Variants in CLEC6A observed in about 807,000 individuals in gnomAD.
CLEC6A encodes C-type lectin domain family 6 member A.
A neutral mutation model predicts 25.7 loss-of-function variants in CLEC6A; 22 were observed. The ratio of observed to expected loss-of-function variants is 0.85; its 90% confidence interval spans 0.61 to 1.22. The LOEUF (loss-of-function observed/expected upper bound fraction) is 1.22, where lower values mean the gene tolerates loss of function less well. Ranked by LOEUF, CLEC6A falls within the 50% of genes most tolerant of loss-of-function variation. CLEC6A has a pLI of 0.00. For missense variants in CLEC6A, 240 were observed against 236.8 expected (o/e 1.01, Z -0.09); for synonymous variants, 92 against 76.7 (o/e 1.20, Z -1.04).
At chr12:8,468,934 C>G (rs779815015) in intron 4 of CLEC6A, among the ~76,000 whole-genome samples, 1 of 152,114 alleles carries the variant, frequency 6.6e-6, no homozygotes, top group East Asian at 1.9e-4. Context: ...GAAGTCCTAG[C>G]CAGAGCAATC....
chr12:8,458,456 C>A (rs1939708879), intron 2 of CLEC6A, among the ~76,000 whole-genome samples: 1 of 152,166 alleles, frequency 6.6e-6, no homozygotes, highest in Admixed American at 6.5e-5. Flanking sequence ...TAAAATATTT[C>A]TTCCCTGTTC....
chr12:8,461,228 G>A (rs367927213), intron 3 of CLEC6A: 25 of 739,134 alleles, frequency 3.4e-5, no homozygotes, highest in Admixed American at 1.6e-4. Flanking sequence ...CACCGTTACC[G>A]CTAACATAAG....
chr12:8,468,384 T>A (rs936058670), intron 4 of CLEC6A, among the ~76,000 whole-genome samples: 4 of 152,234 alleles, frequency 2.6e-5, no homozygotes, highest in African/African-American at 9.6e-5. Context: ...TAACAGATTT[T>A]TTGTTGAATA....
At position 8,477,921 on chromosome 12, in the gene CLEC6A, T is replaced by C. The variant is rs1940000542; in HGVS notation, c.*457T>C. On this transcript the variant is annotated 3_prime_UTR_variant, in exon 6 of 6. Transcript: ENST00000382073. ...AGAGTTGAAAGACATGTTTTCTAGA[T>C]GGCTCACTCACATGGCTGGCAACTT... The C allele has an allele frequency of 6.6e-6, 1 of 152,212 alleles. No homozygotes were observed. Among genetic ancestry groups the C allele is most frequent in the Non-Finnish European group, 1.5e-5 (1 of 68,040 alleles). The allele number at this position is 152,212 out of a possible 1,614,324, so 9.4% of individuals were successfully genotyped here. A position where few individuals can be genotyped will look rare whatever the true frequency, so the allele number is the denominator to read the frequency against.
intron 4 of CLEC6A, among the ~76,000 whole-genome samples, chr12:8,468,978 T>C (rs1331377489): frequency 6.6e-6 from 1 of 152,134 alleles, no homozygotes; most frequent in Non-Finnish European, 1.5e-5. Flanking sequence ...GCATCCAAAT[T>C]GGTAATAAGG....
chr12:8,462,537 G>A (rs1028727941), intron 3 of CLEC6A, among the ~76,000 whole-genome samples: 11 of 138,162 alleles, frequency 8.0e-5, no homozygotes, highest in Non-Finnish European at 1.4e-4. Flanking sequence ...GGACATGCGG[G>A]CAACAATACT....
At position 8,477,697 on chromosome 12, in the gene CLEC6A, C is replaced by T. The variant is rs1939996629; in HGVS notation, c.*233C>T. 6.1e-6 allele frequency: 2 copies of T among 330,080 alleles called. No homozygotes were observed. Among genetic ancestry groups the T allele is most frequent in the Admixed American group, 4.9e-5 (1 of 20,360 alleles). The allele number at this position is 330,080 out of a possible 1,614,324, so 20.4% of individuals were successfully genotyped here. On this transcript the variant is annotated 3_prime_UTR_variant, in exon 6 of 6. Transcript: ENST00000382073. Reference sequence around the variant, plus strand: ...CCTTCCTCTCTTTGTTCCATTCTTTCACTTGTTATTCATTTTTTTCTTTCT... The same window carrying T: ...CCTTCCTCTCTTTGTTCCATTCTTTTACTTGTTATTCATTTTTTTCTTTCT...
At chr12:8,460,374 G>A (rs1177852628) in intron 3 of CLEC6A, among the ~76,000 whole-genome samples, 1 of 152,182 alleles carries the variant, frequency 6.6e-6, no homozygotes, top group Non-Finnish European at 1.5e-5. Context: ...CAAGTGAGAT[G>A]GGTTTCCTCT....
intron 4 of CLEC6A, among the ~76,000 whole-genome samples, chr12:8,475,640 C>T (rs981840098): frequency 2.0e-5 from 3 of 151,942 alleles, no homozygotes; most frequent in African/African-American, 7.3e-5. Flanking sequence ...CCTTCCTCTG[C>T]CTTTTGTTCT....
intron 4 of CLEC6A, among the ~76,000 whole-genome samples, chr12:8,475,216 T>C (rs1939957229): frequency 6.6e-6 from 1 of 151,556 alleles, no homozygotes; most frequent in African/African-American, 2.4e-5. Context: ...CTCAGGGGAG[T>C]AGAGAAACAA....
chr12:8,473,319 C>T (rs1939931082), intron 4 of CLEC6A, among the ~76,000 whole-genome samples: 2 of 152,096 alleles, frequency 1.3e-5, no homozygotes, highest in South Asian at 2.1e-4. Flanking sequence ...TAAGTGAGAA[C>T]ATGTGGTATT....
chr12:8,465,695 A>C (rs745400809), intron 4 of CLEC6A, 66 bp downstream of exon 4: 99 of 1,436,860 alleles, frequency 6.9e-5, no homozygotes, highest in Non-Finnish European at 8.4e-5. Flanking sequence ...TTACTGTCAT[A>C]ACCATTTTTC....
intron 3 of CLEC6A, among the ~76,000 whole-genome samples, chr12:8,463,789 A>G (rs937480730): frequency 4.6e-5 from 7 of 152,260 alleles, no homozygotes; most frequent in Non-Finnish European, 1.0e-4. Flanking sequence ...TACACTTGCA[A>G]AGTAACGTGA....
At position 8,457,936 on chromosome 12, in the gene CLEC6A, G is replaced by C. The variant is rs1412227775; in HGVS notation, c.70G>C (p.Ala24Pro). ...GWLSLRLWSV[A>P]GISIALLSAC... is the part of the protein sequence containing the mutation. ...GTTGTCCCTGAGACTCTGGTCTGTG[G>C]CTGGGATTTCCATTGCACTCCTCAG... The change falls in exon 2 of 6, where the codon GCT becomes CCT. Residue 24 changes from alanine to proline, a missense_variant. Transcript: ENST00000382073. The C allele has an allele frequency of 6.2e-7, 1 of 1,614,082 alleles. No homozygotes were observed.
chr12:8,463,493 G>A (rs189406258), intron 3 of CLEC6A, among the ~76,000 whole-genome samples: 157 of 152,258 alleles, frequency 1.0e-3, no homozygotes, highest in African/African-American at 3.7e-3. Context: ...AAATTAGAAT[G>A]AAAAAGGCTT....
intron 3 of CLEC6A, chr12:8,460,503 G>A (rs1565481829): frequency 4.8e-6 from 3 of 618,748 alleles, no homozygotes; most frequent in Non-Finnish European, 8.5e-6. Context: ...GGGAATTATG[G>A]GAGTACAATT....
intron 1 of CLEC6A, among the ~76,000 whole-genome samples, chr12:8,457,464 CCATT>C (rs1939692441): frequency 6.6e-6 from 1 of 152,128 alleles, no homozygotes; most frequent in Admixed American, 6.5e-5. Context: ...TTTTCTTTAT[CCATT>C]CATCTGTTGA....
chr12:8,469,430 A>G (rs375678345), intron 4 of CLEC6A, among the ~76,000 whole-genome samples: 15 of 152,282 alleles, frequency 9.9e-5, no homozygotes, highest in African/African-American at 2.9e-4. Flanking sequence ...ACTAGAAAAA[A>G]AAAACCCTAA....
At chr12:8,475,333 T>C (rs1939959292) in intron 4 of CLEC6A, among the ~76,000 whole-genome samples, 1 of 65,718 alleles carries the variant, frequency 1.5e-5, no homozygotes, top group African/African-American at 4.6e-5. Flanking sequence ...TCTCTATATA[T>C]ATATATATGT....
Sources: gnomAD v4.1 joint callset for allele counts (sites outside exome capture counted in the v4.1 genomes callset) on GRCh38, gnomAD v4.1.1 for gene constraint, MANE v1.5 for transcripts, NCBI Gene and HGNC (gene_info 2026-07-23, HGNC 2026-07-21) for gene names.